Variants in ESRRB observed in about 807,000 individuals in gnomAD.
The protein encoded by ESRRB is estrogen related receptor beta, also known as steroid hormone receptor ERR2.
ESRRB carries 16 observed loss-of-function variants against 46.0 expected under a neutral mutation model. The ratio of observed to expected loss-of-function variants is 0.35; its 90% confidence interval spans 0.24 to 0.53. ESRRB has a LOEUF of 0.53. Ranked by LOEUF, ESRRB falls within the 20% of genes least tolerant of loss-of-function variation. The pLI is 0.93. For missense variants in ESRRB, 488 were observed against 607.4 expected, an observed-to-expected ratio of 0.80 and a Z score of 2.07; for synonymous variants, 246 against 259.6, an observed-to-expected ratio of 0.95 and a Z score of 0.50.
intron 1 of ESRRB, among the ~76,000 whole-genome samples, chr14:76,380,673 C>A (rs536475072): frequency 2.0e-5 from 3 of 152,158 alleles, no homozygotes; most frequent in Non-Finnish European, 4.4e-5. Flanking sequence ...CCAGAATTAG[C>A]GAGGATGCCG....
At chr14:76,322,521 G>T (rs1317497148) in intron 1 of ESRRB, among the ~76,000 whole-genome samples, 1 of 152,124 alleles carries the variant, frequency 6.6e-6, no homozygotes, top group Non-Finnish European at 1.5e-5. Flanking sequence ...CCATCCCATA[G>T]ACAATGTTTT....
chr14:76,489,389 T>TC (rs919341063), intron 5 of ESRRB, among the ~76,000 whole-genome samples: 3 of 143,682 alleles, frequency 2.1e-5, no homozygotes, highest in African/African-American at 7.8e-5. Context: ...ACCTCCCAGC[T>TC]CCCCCGGCCA....
intron 2 of ESRRB, among the ~76,000 whole-genome samples, chr14:76,440,205 T>A (rs763359019): frequency 6.6e-6 from 1 of 152,204 alleles, no homozygotes; most frequent in Non-Finnish European, 1.5e-5. Flanking sequence ...TGGTGACTCA[T>A]GCCTGTAATC....
intron 1 of ESRRB, among the ~76,000 whole-genome samples, chr14:76,337,507 G>A (rs1884141546): frequency 6.6e-6 from 1 of 152,160 alleles, no homozygotes; most frequent in African/African-American, 2.4e-5. Context: ...TGCTGTAGGT[G>A]GAATCCATAG....
At chr14:76,426,785 A>G (rs1566892032) in intron 1 of ESRRB, among the ~76,000 whole-genome samples, 1 of 152,132 alleles carries the variant, frequency 6.6e-6, no homozygotes, top group South Asian at 2.1e-4. Context: ...AATCCCAGCA[A>G]TTTGGGAGGC....
rs1890514228 is a variant in ESRRB, at chr14:76,498,329, G to A, written c.1236G>A (p.Lys412=). 1 of 1,612,914 alleles carries A rather than the reference G, an allele frequency of 6.2e-7. No homozygotes were observed. Among genetic ancestry groups the A allele is most frequent in the Non-Finnish European group, 8.5e-7 (1 of 1,179,758 alleles). The change falls in exon 7 of 7, where the codon AAG becomes AAA. Residue 412 remains lysine (K), a synonymous_variant. Coordinates refer to ENST00000644823, the MANE Select transcript of ESRRB (RefSeq NM_001379180.1). ...QRHEEPWRTG[K]LLLTLPLLRQ... ...ATGAGGAGCCCTGGAGGACGGGCAA[G>A]CTGCTGCTGACACTGCCGCTGCTGC...
chr14:76,373,852 A>C (rs1884680311), upstream of ESRRB, among the ~76,000 whole-genome samples: 1 of 152,222 alleles, frequency 6.6e-6, no homozygotes, highest in South Asian at 2.1e-4. Flanking sequence ...ATAGTAGGCA[A>C]GCATTAGCCT....
rs188956906 is a variant in ESRRB, at chr14:76,316,414, G to A, written c.2+5498G>A. On this transcript the variant is annotated intron_variant, in intron 1 of 6. Transcript: ENST00000512784. ...TCCTCACTCCCTCCCCTCTGCTCCT[G>A]CTCCTAGCAGTTGGTAGTAGTCATA... Among the ~76,000 whole-genome samples the A allele has an allele frequency of 7.2e-5, 11 of 152,120 alleles. No individual in the cohort carries two copies. The South Asian group carries it at 8.3e-4, about 11-fold the overall frequency.
At chr14:76,375,496 A>G (rs567200291), upstream of ESRRB, among the ~76,000 whole-genome samples, 2 of 152,262 alleles carry the variant, frequency 1.3e-5, no homozygotes, top group Admixed American at 1.3e-4. Context: ...GAGAGCTGCC[A>G]ATGACTAGAG....
At chr14:76,461,478 CTTTTG>C (rs147348934) in intron 2 of ESRRB, among the ~76,000 whole-genome samples, 6,560 of 150,328 alleles carry the variant, frequency 0.044, 349 homozygotes, top group African/African-American at 0.13. Context: ...GGTAGCCATT[CTTTTG>C]TTTTGTTTTG....
chr14:76,434,871 C>T (rs1340091923), intron 1 of ESRRB, among the ~76,000 whole-genome samples: 1 of 152,168 alleles, frequency 6.6e-6, no homozygotes, highest in Non-Finnish European at 1.5e-5. Flanking sequence ...GTTCGGACTG[C>T]AGCTTCTCCC....
At chr14:76,345,106 A>G (rs1193793748) in intron 1 of ESRRB, among the ~76,000 whole-genome samples, 1 of 152,234 alleles carries the variant, frequency 6.6e-6, no homozygotes, top group Admixed American at 6.5e-5. Context: ...ATACTTTGGA[A>G]AAACCCTTCT....
At chr14:76,456,344 A>T (rs189123759) in intron 2 of ESRRB, among the ~76,000 whole-genome samples, 206 of 152,336 alleles carry the variant, frequency 1.4e-3, no homozygotes, top group Non-Finnish European at 2.5e-3. Context: ...TCCATGTGCC[A>T]TGATGGGCCA....
rs142588454 is a variant in ESRRB at position 76,314,852 on chromosome 14, C to T, written c.2+3936C>T. ...GAGCCATATGGCTGCCGAAACAGGC[C>T]CTGGCTCCCCTGGAGAGAGATTTCC... On this transcript the variant is annotated intron_variant, in intron 1 of 6. Transcript: ENST00000512784. Among the ~76,000 whole-genome samples, 561 of 152,074 alleles carry T rather than the reference C, an allele frequency of 3.7e-3. 13 individuals are homozygous for T. The highest frequency in any genetic ancestry group is 0.025 in the Admixed American group (376 of 15,284).
At chr14:76,386,053 C>T (rs1885214130) in intron 1 of ESRRB, among the ~76,000 whole-genome samples, 1 of 152,164 alleles carries the variant, frequency 6.6e-6, no homozygotes, top group Non-Finnish European at 1.5e-5. Flanking sequence ...CATAATCTCA[C>T]AATTATAGTC....
chr14:76,466,862 T>A (rs1889135709), intron 3 of ESRRB, among the ~76,000 whole-genome samples: 1 of 152,110 alleles, frequency 6.6e-6, no homozygotes, highest in South Asian at 2.1e-4. Flanking sequence ...TAGCTGAGAC[T>A]ACAAGTGTGC....
At chr14:76,392,018 T>C (rs1885489639) in intron 1 of ESRRB, among the ~76,000 whole-genome samples, 1 of 152,218 alleles carries the variant, frequency 6.6e-6, no homozygotes, top group Non-Finnish European at 1.5e-5. Context: ...TTCTTTCTGC[T>C]GGCAACATCC....
intron 6 of ESRRB, among the ~76,000 whole-genome samples, chr14:76,492,551 C>T (rs1890271669): frequency 6.6e-6 from 1 of 152,204 alleles, no homozygotes; most frequent in Admixed American, 6.5e-5. Context: ...CCCCATTTTA[C>T]AGATGTGGAA....
At chr14:76,475,798 A>T (rs1188221249) in intron 3 of ESRRB, among the ~76,000 whole-genome samples, 2 of 152,234 alleles carry the variant, frequency 1.3e-5, no homozygotes, top group African/African-American at 4.8e-5. Context: ...AGGAACCATC[A>T]AACTATGTTC....
Sources: allele counts gnomAD v4.1 joint callset (sites outside exome capture counted in the v4.1 genomes callset), GRCh38; gene constraint gnomAD v4.1.1; transcripts MANE v1.5; gene names NCBI Gene and HGNC (gene_info 2026-07-23, HGNC 2026-07-21).